Variants in OTUD7B observed in about 807,000 individuals in gnomAD.
OTUD7B encodes the protein OTU deubiquitinase 7B, also known as OTU domain-containing protein 7B.
Under a neutral mutation model 82.2 loss-of-function variants are expected in OTUD7B, and 34 were observed. The observed-to-expected ratio is 0.41, with a 90% confidence interval of 0.31 to 0.55. OTUD7B has a LOEUF of 0.55. Ranked by LOEUF, OTUD7B falls within the 20% of genes least tolerant of loss-of-function variation. The probability of loss-of-function intolerance (pLI) is 0.20; values close to 1 mark genes in which losing one functional copy is unlikely to be tolerated. For synonymous variants in OTUD7B, 398 were observed against 402.7 expected, an observed-to-expected ratio of 0.99 and a Z score of 0.14; for missense variants, 944 against 1,062.1, an observed-to-expected ratio of 0.89 and a Z score of 1.55.
the OTUD7B span, among the ~76,000 whole-genome samples, chr1:150,061,247 A>G: frequency 6.6e-6 from 1 of 152,186 alleles, no homozygotes; most frequent in African/African-American, 2.4e-5. Flanking sequence ...ACAATATACT[A>G]TTATTTTTTG....
At position 149,965,836 on chromosome 1, in the gene OTUD7B, C is replaced by T; in HGVS notation, c.545G>A (p.Arg182Lys). 6.2e-7 allele frequency: 1 copy of T among 1,614,120 alleles called. No individual in the cohort carries two copies. Among genetic ancestry groups the T allele is most frequent in the South Asian group, 1.1e-5 (1 of 91,062 alleles). The part of the protein sequence containing the change: ...WWVSVDPTSQ[R>K]LLPLATTGDG... ...TCCAGTAGTTGCCAAAGGAAGCAGC[C>T]TCTGAGAGGTGGGATCCACACTCAC... Residue 182 changes from arginine to lysine, a missense_variant, in exon 5 of 12, where the codon AGG becomes AAG. Physicochemically the swap from Arg to Lys is conservative, Grantham distance 26. Coordinates refer to ENST00000581312, the MANE Select transcript of OTUD7B (RefSeq NM_020205.4).
At chr1:149,978,333 C>G (rs182025103) in intron 1 of OTUD7B, among the ~76,000 whole-genome samples, 7 of 152,114 alleles carry the variant, frequency 4.6e-5, no homozygotes, top group Admixed American at 3.3e-4. Flanking sequence ...ATGGCGAAAC[C>G]CTGTTTCTAC....
In OTUD7B at chr1:149,949,727, G is replaced by C; in HGVS notation, c.1025C>G (p.Ala342Gly). Residue 342 changes from alanine (A) to glycine (G), a missense_variant, in exon 9 of 12, where the codon GCC becomes GGC. Coordinates refer to ENST00000581312, the MANE Select transcript of OTUD7B (RefSeq NM_020205.4). ...CAGAGGGGAGCGGTGACACTGGCTG[G>C]CTGGGACCTCCAAAGGCAGATAGAT... ...GGIYLPLEVPASQCHRSPLVL... is the reference protein window; with the variant it reads ...GGIYLPLEVPGSQCHRSPLVL... The C allele has an allele frequency of 6.2e-7, 1 of 1,614,130 alleles. No individual in the cohort carries two copies. The highest frequency in any genetic ancestry group is 8.5e-7 in the Non-Finnish European group (1 of 1,180,010).
chr1:150,050,177 C>T, the OTUD7B span, among the ~76,000 whole-genome samples: 3 of 151,646 alleles, frequency 2.0e-5, no homozygotes, highest in African/African-American at 4.8e-5. Flanking sequence ...CTGGGCAATC[C>T]AGGGAGACCC....
At chr1:150,005,491 G>A (rs192512906) in intron 1 of OTUD7B, among the ~76,000 whole-genome samples, 1 of 151,678 alleles carries the variant, frequency 6.6e-6, no homozygotes, top group Non-Finnish European at 1.5e-5. Context: ...CCTGACTCAA[G>A]AAGTAAATAA....
intron 5 of OTUD7B, among the ~76,000 whole-genome samples, chr1:149,965,151 C>T (rs1287525887): frequency 6.6e-6 from 1 of 152,192 alleles, no homozygotes; most frequent in Admixed American, 6.5e-5. Context: ...CCTTGGCCTC[C>T]CACAGTGTTG....
chr1:150,063,191 CCT>C, the OTUD7B span, among the ~76,000 whole-genome samples: 1 of 152,084 alleles, frequency 6.6e-6, no homozygotes, highest in South Asian at 2.1e-4. Flanking sequence ...GTGGCTCATG[CCT>C]ATAATCCCAG....
intron 11 of OTUD7B, among the ~76,000 whole-genome samples, chr1:149,945,444 G>A (rs1240692426): frequency 1.3e-5 from 2 of 152,152 alleles, no homozygotes; most frequent in African/African-American, 4.8e-5. Flanking sequence ...GCTTCCGGGT[G>A]AGAGGCCCAG....
At chr1:150,004,214 G>A (rs782178077) in intron 1 of OTUD7B, among the ~76,000 whole-genome samples, 2 of 151,998 alleles carry the variant, frequency 1.3e-5, no homozygotes, top group Non-Finnish European at 2.9e-5. Context: ...CAGCCAACCT[G>A]TGTATTAGTA....
chr1:150,031,093 T>A, the OTUD7B span, among the ~76,000 whole-genome samples: 6 of 152,092 alleles, frequency 3.9e-5, no homozygotes, highest in Non-Finnish European at 5.9e-5. Flanking sequence ...TTATTTTTAT[T>A]TTTATCCCCT....
At chr1:149,956,620 G>A (rs1312646288) in intron 7 of OTUD7B, among the ~76,000 whole-genome samples, 5 of 152,162 alleles carry the variant, frequency 3.3e-5, no homozygotes, top group African/African-American at 4.8e-5. Flanking sequence ...ATAATATCCC[G>A]AAGAGTGTTT....
chr1:150,022,925 C>A, the OTUD7B span, among the ~76,000 whole-genome samples: 1 of 152,224 alleles, frequency 6.6e-6, no homozygotes, highest in Admixed American at 6.5e-5. Flanking sequence ...GCATTAGCAT[C>A]CAGTAAGGTC....
At chr1:150,006,758 G>A (rs1237875311) in intron 1 of OTUD7B, among the ~76,000 whole-genome samples, 3 of 152,180 alleles carry the variant, frequency 2.0e-5, no homozygotes, top group African/African-American at 7.2e-5. Flanking sequence ...CCACAGGTTG[G>A]TGCACTACGA....
At chr1:149,974,362 T>C (rs1650142598) in intron 2 of OTUD7B, among the ~76,000 whole-genome samples, 1 of 152,164 alleles carries the variant, frequency 6.6e-6, no homozygotes, top group Non-Finnish European at 1.5e-5. Context: ...TAATCATTTC[T>C]TCTCTGGCCA....
chr1:149,994,355 G>C (rs1401133050), intron 1 of OTUD7B, among the ~76,000 whole-genome samples: 2 of 152,070 alleles, frequency 1.3e-5, no homozygotes, highest in African/African-American at 2.4e-5. Context: ...GGCTGAGGTG[G>C]GCGGATCACG....
chr1:149,978,517 T>G (rs1414164891), intron 1 of OTUD7B, among the ~76,000 whole-genome samples: 32 of 152,034 alleles, frequency 2.1e-4, no homozygotes, highest in African/African-American at 6.8e-4. Context: ...AAAACTAACT[T>G]AAATTAAATT....
At chr1:150,009,721 C>T (rs1203604154) in intron 1 of OTUD7B, among the ~76,000 whole-genome samples, 2 of 152,110 alleles carry the variant, frequency 1.3e-5, no homozygotes, top group Non-Finnish European at 2.9e-5. Context: ...TCCTTGTGAG[C>T]CGACAAGCTA....
chr1:150,055,738 A>G, the OTUD7B span, among the ~76,000 whole-genome samples: 3,339 of 152,346 alleles, frequency 0.022, 112 homozygotes, highest in African/African-American at 0.073. Context: ...TTGCAGGTAC[A>G]TGGATGGAGC....
At chr1:149,962,612 G>A (rs1649236105) in intron 6 of OTUD7B, 1 of 152,140 alleles carries the variant, frequency 6.6e-6, no homozygotes, top group African/African-American at 2.4e-5. Flanking sequence ...GGGTATTTCT[G>A]GGTTTCCTGG....
Sources: allele counts gnomAD v4.1 joint callset (sites outside exome capture counted in the v4.1 genomes callset), GRCh38; gene constraint gnomAD v4.1.1; transcripts MANE v1.5; gene names NCBI Gene and HGNC (gene_info 2026-07-23, HGNC 2026-07-21).